The following GHR variants were observed in gnomAD, a reference collection of about 807,000 sequenced individuals.
GHR encodes growth hormone receptor.
GHR carries 35 observed loss-of-function variants against 67.1 expected under a neutral mutation model. The ratio of observed to expected loss-of-function variants is 0.52; its 90% CI spans 0.40 to 0.69. The LOEUF (loss-of-function observed/expected upper bound fraction) is 0.69. GHR is among the 30% of genes least tolerant of loss of function. The probability of loss-of-function intolerance (pLI) is 0.00; values close to 1 mark genes in which losing one functional copy is unlikely to be tolerated. For synonymous variants in GHR, 272 were observed against 269.1 expected (o/e 1.01, Z -0.10); for missense variants, 792 against 764.6 (o/e 1.04, Z -0.42).
chr5:42,661,364 G>T (rs901147732), intron 3 of GHR, among the ~76,000 whole-genome samples: 1 of 152,178 alleles, frequency 6.6e-6, no homozygotes, highest in East Asian at 1.9e-4. Context: ...GAAAGGTCGG[G>T]TTACCCAGAA....
chr5:42,483,867 C>T (rs1030326558), intron 1 of GHR, among the ~76,000 whole-genome samples: 4 of 152,198 alleles, frequency 2.6e-5, no homozygotes, highest in Non-Finnish European at 4.4e-5. Context: ...AGAACCTTCA[C>T]AAGGTTTGAA....
chr5:42,686,281 G>A (rs1047252044), intron 3 of GHR, among the ~76,000 whole-genome samples: 1 of 152,156 alleles, frequency 6.6e-6, no homozygotes, highest in Non-Finnish European at 1.5e-5. Flanking sequence ...TGAGGCCTCT[G>A]TTCTGTTCCA....
chr5:42,493,808 G>A (rs1746212012), intron 1 of GHR, among the ~76,000 whole-genome samples: 1 of 152,034 alleles, frequency 6.6e-6, no homozygotes, highest in Non-Finnish European at 1.5e-5. Context: ...ATGCAAACAG[G>A]GCAGATAAGT....
intron 1 of GHR, among the ~76,000 whole-genome samples, chr5:42,518,735 C>T (rs930410983): frequency 6.6e-5 from 10 of 152,114 alleles, no homozygotes; most frequent in South Asian, 4.1e-4. Context: ...TTGAAGAAGG[C>T]GGGGCATTTT....
chr5:42,576,921 A>G (rs1348454184), intron 2 of GHR, among the ~76,000 whole-genome samples: 1 of 152,242 alleles, frequency 6.6e-6, no homozygotes, highest in Non-Finnish European at 1.5e-5. Context: ...TAAATGAGAT[A>G]GCATGTACAA....
intron 2 of GHR, among the ~76,000 whole-genome samples, chr5:42,611,809 A>G (rs1417963421): frequency 6.6e-6 from 1 of 152,194 alleles, no homozygotes; most frequent in Non-Finnish European, 1.5e-5. Context: ...TACCAGTTCC[A>G]TCATCTTCAA....
At chr5:42,701,420 T>C (rs1042395788) in intron 6 of GHR, among the ~76,000 whole-genome samples, 1 of 152,218 alleles carries the variant, frequency 6.6e-6, no homozygotes, top group Non-Finnish European at 1.5e-5. Flanking sequence ...TAAGCATGTC[T>C]GCTGCGTACT....
intron 3 of GHR, among the ~76,000 whole-genome samples, chr5:42,658,892 A>G (rs1755406682): frequency 6.6e-6 from 1 of 152,188 alleles, no homozygotes; most frequent in Non-Finnish European, 1.5e-5. Context: ...TTTTATATTT[A>G]AGAGTGGATG....
chr5:42,583,465 T>G (rs1751299413), intron 2 of GHR, among the ~76,000 whole-genome samples: 2 of 152,198 alleles, frequency 1.3e-5, no homozygotes. Flanking sequence ...CTAGTGGAAG[T>G]GCTGACAAGC....
At chr5:42,617,577 C>A (rs1437296248) in intron 2 of GHR, among the ~76,000 whole-genome samples, 1 of 152,122 alleles carries the variant, frequency 6.6e-6, no homozygotes, top group African/African-American at 2.4e-5. Flanking sequence ...CATTTCCCCC[C>A]TCACCTGCTG....
intron 3 of GHR, among the ~76,000 whole-genome samples, chr5:42,686,998 A>C (rs528339265): frequency 1.3e-3 from 195 of 152,346 alleles, no homozygotes; most frequent in Non-Finnish European, 6.2e-4. Flanking sequence ...TACGAAATCA[A>C]AGTGCAAAAA....
At chr5:42,579,169 TA>T (rs1751015095) in intron 2 of GHR, among the ~76,000 whole-genome samples, 1 of 144,066 alleles carries the variant, frequency 6.9e-6, no homozygotes, top group Admixed American at 6.9e-5. Context: ...GATAGATAGA[TA>T]GATAGATAGA....
chr5:42,711,274 G>T lies in GHR; in HGVS notation c.686G>T (p.Arg229Leu), dbSNP rs6177. The T allele has an allele frequency of 4.3e-6, 7 of 1,612,198 alleles. No individual in the cohort carries two copies. The South Asian group carries it at 7.7e-5, about 18-fold the overall frequency. The change falls in exon 7 of 10, where the codon CGT becomes CTT. Residue 229 changes from arginine (R) to leucine (L), a missense_variant. By Grantham distance (102) the Arg-to-Leu change is moderately radical. Transcript: ENST00000230882. ...SLKVDKEYEV[R>L]VRSKQRNSGN... ...AAAGTGGATAAGGAATATGAAGTGC[G>T]TGTGAGATCCAAACAACGAAACTCT...
chr5:42,617,793 T>G (rs1753240304), intron 2 of GHR, among the ~76,000 whole-genome samples: 1 of 152,134 alleles, frequency 6.6e-6, no homozygotes, highest in Non-Finnish European at 1.5e-5. Flanking sequence ...CAATGAGACT[T>G]TTGACTTTTT....
At chr5:42,706,788 G>C (rs1758197287) in intron 6 of GHR, among the ~76,000 whole-genome samples, 1 of 151,992 alleles carries the variant, frequency 6.6e-6, no homozygotes, top group Non-Finnish European at 1.5e-5. Flanking sequence ...GATTCCTGTA[G>C]CCTTGTAGTA....
At chr5:42,449,298 T>C (rs1229477908) in intron 1 of GHR, among the ~76,000 whole-genome samples, 2 of 152,248 alleles carry the variant, frequency 1.3e-5, no homozygotes, top group South Asian at 2.1e-4. Flanking sequence ...TTGTGTCATC[T>C]ATTATTTCTT....
At chr5:42,660,747 C>G (rs1217109208) in intron 3 of GHR, among the ~76,000 whole-genome samples, 1 of 152,212 alleles carries the variant, frequency 6.6e-6, no homozygotes, top group African/African-American at 2.4e-5. Flanking sequence ...AGCAACGGAA[C>G]AAAGCTGGAC....
intron 1 of GHR, among the ~76,000 whole-genome samples, chr5:42,453,237 T>C (rs530722440): frequency 2.0e-5 from 3 of 152,160 alleles, no homozygotes; most frequent in Non-Finnish European, 4.4e-5. Context: ...TGTGGGTGAA[T>C]TCTCTGTCTC....
chr5:42,584,894 T>C (rs1244881656), intron 2 of GHR, among the ~76,000 whole-genome samples: 1 of 152,142 alleles, frequency 6.6e-6, no homozygotes, highest in Non-Finnish European at 1.5e-5. Context: ...TTGCTTTCAG[T>C]CTCAGACATA....
Sources: gnomAD v4.1 joint callset for allele counts (sites outside exome capture counted in the v4.1 genomes callset) on GRCh38, gnomAD v4.1.1 for gene constraint, MANE v1.5 for transcripts, NCBI Gene and HGNC (gene_info 2026-07-23, HGNC 2026-07-21) for gene names.